SH3D19: variants seen among roughly 807,000 people sequenced by gnomAD.
SH3D19 encodes the protein SH3 domain-containing protein 19.
SH3D19 carries 58 observed loss-of-function variants against 112.1 expected under a neutral mutation model. That is an observed-to-expected ratio of 0.52 (90% CI 0.42 to 0.64). The LOEUF (loss-of-function observed/expected upper bound fraction) is 0.64. Ranked by LOEUF, SH3D19 falls within the 30% of genes least tolerant of loss-of-function variation. SH3D19 has a pLI of 0.00. For synonymous variants in SH3D19, 391 were observed against 448.5 expected (o/e 0.87, Z 1.62); for missense variants, 1,090 against 1,263.4 (o/e 0.86, Z 2.08).
intron 1 of SH3D19, among the ~76,000 whole-genome samples, chr4:151,231,118 A>G (rs1331262047): frequency 1.3e-5 from 2 of 152,192 alleles, no homozygotes; most frequent in Non-Finnish European, 2.9e-5. Context: ...CAATGTCATT[A>G]CATCTTTACT....
At chr4:151,140,407 T>G (rs192521337) in intron 12 of SH3D19, 44 of 152,560 alleles carry the variant, frequency 2.9e-4, no homozygotes, top group African/African-American at 1.0e-3. Flanking sequence ...TTGAAAGCAA[T>G]GCTACCTCCC....
intron 1 of SH3D19, among the ~76,000 whole-genome samples, chr4:151,259,121 C>T (rs1170901847): frequency 6.6e-6 from 1 of 152,034 alleles, no homozygotes; most frequent in Non-Finnish European, 1.5e-5. Context: ...GTACTTCTAG[C>T]CCAGGTAACA....
At chr4:151,213,981 G>A (rs956187349) in intron 2 of SH3D19, among the ~76,000 whole-genome samples, 1 of 150,736 alleles carries the variant, frequency 6.6e-6, no homozygotes, top group Non-Finnish European at 1.5e-5. Flanking sequence ...AGTGAACAAA[G>A]GTCTCTGGTT....
At chr4:151,242,254 A>G (rs1271127444) in intron 1 of SH3D19, among the ~76,000 whole-genome samples, 1 of 152,248 alleles carries the variant, frequency 6.6e-6, no homozygotes, top group East Asian at 1.9e-4. Context: ...TTCTTTATGA[A>G]AATGACTTAC....
intron 1 of SH3D19, chr4:151,282,220 G>A (rs2150009014): frequency 6.2e-7 from 1 of 1,613,880 alleles, no homozygotes; most frequent in East Asian, 2.2e-5. Context: ...AACGTGTGAA[G>A]TACTACGTGT....
intron 1 of SH3D19, among the ~76,000 whole-genome samples, chr4:151,318,954 C>T (rs1400501743): frequency 6.6e-6 from 1 of 152,162 alleles, no homozygotes; most frequent in Non-Finnish European, 1.5e-5. Flanking sequence ...ATGGCATAGT[C>T]TTTAAAAGCA....
At chr4:151,285,406 AT>A (rs1477381638) in intron 1 of SH3D19, among the ~76,000 whole-genome samples, 1 of 152,214 alleles carries the variant, frequency 6.6e-6, no homozygotes. Context: ...TACAAATTAT[AT>A]TTTCTAATCA....
At chr4:151,180,691 C>T (rs1760762799) in intron 3 of SH3D19, among the ~76,000 whole-genome samples, 2 of 150,670 alleles carry the variant, frequency 1.3e-5, no homozygotes, top group South Asian at 4.2e-4. Flanking sequence ...CAGGTGTGAG[C>T]CACTGCGCCC....
intron 1 of SH3D19, chr4:151,259,538 G>C (rs1343178943): frequency 1.3e-5 from 2 of 152,474 alleles, no homozygotes; most frequent in Admixed American, 1.3e-4. Flanking sequence ...GTGTGGGGCA[G>C]TGGCCCTGGC....
intron 9 of SH3D19, among the ~76,000 whole-genome samples, chr4:151,157,519 A>G (rs1756352502): frequency 6.6e-6 from 1 of 152,170 alleles, no homozygotes; most frequent in Admixed American, 6.5e-5. Flanking sequence ...ATCACTGTAG[A>G]GAACAGGATG....
chr4:151,265,457 A>G (rs968708377), intron 1 of SH3D19, among the ~76,000 whole-genome samples: 11 of 152,076 alleles, frequency 7.2e-5, no homozygotes, highest in Non-Finnish European at 1.2e-4. Flanking sequence ...ATCACAAAAT[A>G]TAACAGTTGG....
chr4:151,260,222 AT>A (rs1772267367), intron 1 of SH3D19, among the ~76,000 whole-genome samples: 1 of 152,188 alleles, frequency 6.6e-6, no homozygotes, highest in East Asian at 1.9e-4. Context: ...ATTTCTCATT[AT>A]CCACCCTCTT....
intron 2 of SH3D19, among the ~76,000 whole-genome samples, chr4:151,225,225 C>T (rs1768798687): frequency 1.3e-5 from 2 of 152,100 alleles, no homozygotes; most frequent in South Asian, 2.1e-4. Context: ...GAGTACATTA[C>T]TTTAACAATT....
intron 1 of SH3D19, chr4:151,291,176 T>C (rs1775301316): frequency 1.2e-6 from 2 of 1,613,620 alleles, no homozygotes; most frequent in Non-Finnish European, 8.5e-7. Context: ...CAGACAGGAG[T>C]AGTAAGCTGG....
chr4:151,172,581 A>G (rs958118613), intron 7 of SH3D19, among the ~76,000 whole-genome samples: 6 of 152,222 alleles, frequency 3.9e-5, no homozygotes, highest in African/African-American at 1.4e-4. Context: ...AATAACTACT[A>G]ATTAATGATC....
At chr4:151,296,889 TA>T (rs1775750792) in intron 1 of SH3D19, among the ~76,000 whole-genome samples, 1 of 152,190 alleles carries the variant, frequency 6.6e-6, no homozygotes, top group Non-Finnish European at 1.5e-5. Flanking sequence ...TATATTCCAC[TA>T]AACTGTAATG....
intron 3 of SH3D19, among the ~76,000 whole-genome samples, chr4:151,179,686 AT>A (rs1760525345): frequency 6.6e-6 from 1 of 152,240 alleles, no homozygotes; most frequent in South Asian, 2.1e-4. Flanking sequence ...GAAGACAGCT[AT>A]TAAATATAAA....
intron 2 of SH3D19, among the ~76,000 whole-genome samples, chr4:151,197,046 G>A (rs996334081): frequency 2.6e-5 from 4 of 152,130 alleles, no homozygotes; most frequent in Non-Finnish European, 4.4e-5. Context: ...CACTGCTAGT[G>A]GGAATGTAAA....
intron 1 of SH3D19, among the ~76,000 whole-genome samples, chr4:151,229,470 C>T (rs941185651): frequency 6.6e-6 from 1 of 151,836 alleles, no homozygotes; most frequent in Non-Finnish European, 1.5e-5. Context: ...GGCTGGGTAA[C>T]CATGTAATGG....
Sources: gnomAD v4.1 joint callset for allele counts (sites outside exome capture counted in the v4.1 genomes callset) on GRCh38, gnomAD v4.1.1 for gene constraint, MANE v1.5 for transcripts, NCBI Gene and HGNC (gene_info 2026-07-23, HGNC 2026-07-21) for gene names.